Variants in GPR107 observed in about 807,000 individuals in gnomAD.
GPR107 encodes the protein protein GPR107.
A neutral mutation model predicts 75.5 loss-of-function variants in GPR107; 31 were observed. The observed-to-expected ratio is 0.41, with a 90% CI of 0.31 to 0.55. GPR107 has a LOEUF of 0.55. Ranked by LOEUF, GPR107 falls within the 20% of genes least tolerant of loss-of-function variation. The pLI is 0.26. For missense variants in GPR107, 572 were observed against 665.7 expected, an observed-to-expected ratio of 0.86 and a Z score of 1.55; for synonymous variants, 267 against 251.3, an observed-to-expected ratio of 1.06 and a Z score of -0.59.
At chr9:130,097,448 C>T (rs1830902679) in intron 9 of GPR107, among the ~76,000 whole-genome samples, 1 of 152,090 alleles carries the variant, frequency 6.6e-6, no homozygotes, top group South Asian at 2.1e-4. Context: ...AGCCACTGCG[C>T]CCAGCCATCA....
At chr9:130,087,374 A>C (rs975708545) in intron 7 of GPR107, among the ~76,000 whole-genome samples, 2 of 152,058 alleles carry the variant, frequency 1.3e-5, no homozygotes, top group Non-Finnish European at 2.9e-5. Flanking sequence ...TAATCATCTA[A>C]AAATAAAAAA....
rs1380432006 is a variant in GPR107, at chr9:130,107,550, T to C, written c.1306+11T>C. On this transcript the variant is annotated intron_variant, in intron 14 of 17. Transcript: ENST00000347136. The stretch of plus-strand genomic sequence containing the variant: ...CAACAGATGGAAAAGGCAAGTTCTC[T>C]CGTGCTCATTTTGTGTTGCTCAGCT... 6.4e-7 allele frequency: 1 copy of C among 1,565,696 alleles called. No homozygotes were observed. Among genetic ancestry groups the C allele is most frequent in the East Asian group, 2.2e-5 (1 of 44,636 alleles).
intron 13 of GPR107, 40 bp from the exon 14 acceptor site, chr9:130,107,456 T>C: frequency 8.0e-7 from 1 of 1,243,292 alleles, no homozygotes; most frequent in Non-Finnish European, 1.2e-6. Context: ...GAGTGCAGAT[T>C]TGTCAGCTAA....
chr9:130,061,670 G>A (rs1243900714), intron 1 of GPR107, among the ~76,000 whole-genome samples: 3 of 152,188 alleles, frequency 2.0e-5, no homozygotes, highest in African/African-American at 2.4e-5. Context: ...CAGGCCGGGC[G>A]TGGTGGCTCA....
intron 14 of GPR107, among the ~76,000 whole-genome samples, chr9:130,120,051 C>G (rs773974143): frequency 2.6e-5 from 4 of 152,148 alleles, no homozygotes; most frequent in Non-Finnish European, 5.9e-5. Context: ...GTCTCTCCCT[C>G]CGGGGCTCAG....
intron 14 of GPR107, among the ~76,000 whole-genome samples, chr9:130,118,123 T>A (rs1182092988): frequency 6.6e-6 from 1 of 152,168 alleles, no homozygotes; most frequent in African/African-American, 2.4e-5. Flanking sequence ...GCTGGGTAAC[T>A]TTGGTCATTT....
In GPR107 at chr9:130,079,755, C is replaced by A; in HGVS notation, c.512C>A (p.Thr171Asn). ...AACCCTGCTTCAGCAGGCAACCAGA[C>A]CCAGAAGACACAAGGTAAACCGTAA... ...NVNPASAGNQ[T>N]QKTQDGGKSK... Residue 171 changes from threonine (T) to asparagine (N), a missense_variant, in exon 5 of 18, where the codon ACC (threonine) becomes AAC (asparagine). By Grantham distance (65) the Thr-to-Asn change is moderately conservative (BLOSUM62 0). Transcript: ENST00000347136. 6.2e-7 allele frequency: 1 copy of A among 1,610,672 alleles called. No individual in the cohort carries two copies.
intron 6 of GPR107, among the ~76,000 whole-genome samples, chr9:130,084,788 A>AT (rs1300392962): frequency 1.3e-5 from 2 of 151,956 alleles, no homozygotes; most frequent in Non-Finnish European, 2.9e-5. Context: ...AAAAAAAAAA[A>AT]AGGAAAAGAA....
intron 1 of GPR107, among the ~76,000 whole-genome samples, chr9:130,071,720 G>T (rs538324800): frequency 6.6e-6 from 1 of 152,032 alleles, no homozygotes; most frequent in African/African-American, 2.4e-5. Flanking sequence ...TCTTGCTCTT[G>T]TCCCCCAGGC....
At chr9:130,095,304 A>G (rs540404131) in intron 9 of GPR107, among the ~76,000 whole-genome samples, 9 of 152,314 alleles carry the variant, frequency 5.9e-5, no homozygotes, top group African/African-American at 2.2e-4. Flanking sequence ...TTTAGTAGCC[A>G]GGGGTTCAGT....
At chr9:130,110,452 T>G (rs1831268296) in intron 14 of GPR107, 3 of 1,201,268 alleles carry the variant, frequency 2.5e-6, no homozygotes, top group Non-Finnish European at 3.6e-6. Flanking sequence ...CATTCCCCAT[T>G]CTTAGGAAGA....
chr9:130,058,970 G>A (rs565803947), intron 1 of GPR107, among the ~76,000 whole-genome samples: 6 of 152,240 alleles, frequency 3.9e-5, no homozygotes, highest in East Asian at 1.9e-4. Flanking sequence ...TGCCATAAAC[G>A]TTCACATTGC....
intron 17 of GPR107, chr9:130,129,769 CCT>C (rs1234864234): frequency 6.6e-5 from 10 of 152,212 alleles, no homozygotes; most frequent in African/African-American, 2.4e-4. Context: ...CAGGAAATAA[CCT>C]AAGACGCGGT....
Position 130,099,529 on chromosome 9 carries a change from T to C in GPR107, c.936T>C (p.His312=), listed in dbSNP as rs1830962874. 2.5e-6 allele frequency: 4 copies of C among 1,575,418 alleles called. No individual in the cohort carries two copies. The highest frequency in any genetic ancestry group is 1.7e-6 in the Non-Finnish European group (2 of 1,144,900). ...CCAAGTCTCTTTCCTTGGTGTTCCA[T>C]GCAGTATGTATTAGCATTTTGAGGA... The part of the protein sequence containing the change: ...PFTKSLSLVF[H]AIDYHYISSQ... Residue 312 remains histidine, a synonymous_variant, in exon 10 of 18, where the codon CAT becomes CAC. Coordinates refer to ENST00000347136, the MANE Select transcript of GPR107 (RefSeq NM_020960.5).
intron 14 of GPR107, among the ~76,000 whole-genome samples, chr9:130,116,925 C>T (rs1831439366): frequency 1.3e-5 from 2 of 149,466 alleles, no homozygotes; most frequent in Non-Finnish European, 3.0e-5. Flanking sequence ...TGGGTCATTG[C>T]TTCAAATGTA....
chr9:130,133,484 C>T (rs904512363), intron 17 of GPR107, among the ~76,000 whole-genome samples: 7 of 152,106 alleles, frequency 4.6e-5, no homozygotes, highest in Non-Finnish European at 7.4e-5. Flanking sequence ...TGGAGAGGCA[C>T]GGGGGCTGCT....
chr9:130,092,454 C>G, intron 9 of GPR107, 73 bp downstream of exon 9: 5 of 1,248,504 alleles, frequency 4.0e-6, no homozygotes, highest in Non-Finnish European at 5.9e-6. Flanking sequence ...GGCTCCTGAA[C>G]CTGGAGGCAG....
Position 130,094,417 on chromosome 9 carries a change from A to T in GPR107, c.863+2036A>T, listed in dbSNP as rs533122714. The stretch of plus-strand genomic sequence containing the variant: ...TGAGATTGTGCCACTGCACAAAATT[A>T]AAAAAAAAATCCAGTTGTGGTGGTG... On this transcript the variant is annotated intron_variant, in intron 9 of 17. Coordinates refer to ENST00000347136, the MANE Select transcript of GPR107 (RefSeq NM_020960.5). Among the ~76,000 whole-genome samples, 74 of 150,226 alleles carry T rather than the reference A, an allele frequency of 4.9e-4. 1 individual carries two copies. The highest frequency in any genetic ancestry group is 1.6e-3 in the Admixed American group (24 of 15,052).
At chr9:130,070,229 G>C (rs954196854) in intron 1 of GPR107, among the ~76,000 whole-genome samples, 1 of 149,960 alleles carries the variant, frequency 6.7e-6, no homozygotes, top group Non-Finnish European at 1.5e-5. Flanking sequence ...CTTAAAATAC[G>C]GGGCTCAAGT....
Sources: gnomAD v4.1 joint callset for allele counts (sites outside exome capture counted in the v4.1 genomes callset) on GRCh38, gnomAD v4.1.1 for gene constraint, MANE v1.5 for transcripts, NCBI Gene and HGNC (gene_info 2026-07-23, HGNC 2026-07-21) for gene names.